Variants in SLC24A3 observed in about 807,000 individuals in gnomAD.
SLC24A3 encodes solute carrier family 24 member 3, also known as sodium/potassium/calcium exchanger 3.
Under a neutral mutation model 75.8 loss-of-function variants are expected in SLC24A3, and 28 were observed. The ratio of observed to expected loss-of-function variants is 0.37; its 90% CI spans 0.27 to 0.51. The LOEUF (loss-of-function observed/expected upper bound fraction) is 0.51. SLC24A3 is among the 20% of genes least tolerant of loss of function. The pLI, the probability that SLC24A3 is intolerant of heterozygous loss-of-function variation, is 0.94. For missense variants in SLC24A3, 663 were observed against 847.8 expected (o/e 0.78, Z 2.71); for synonymous variants, 372 against 334.1 (o/e 1.11, Z -1.24).
intron 2 of SLC24A3, among the ~76,000 whole-genome samples, chr20:19,466,444 T>C (rs1308551093): frequency 6.6e-6 from 1 of 152,176 alleles, no homozygotes; most frequent in Non-Finnish European, 1.5e-5. Context: ...AAGTGGCTCG[T>C]GGGTGTTCCA....
intron 2 of SLC24A3, among the ~76,000 whole-genome samples, chr20:19,371,788 C>A (rs1350931787): frequency 6.6e-6 from 1 of 152,158 alleles, no homozygotes; most frequent in Non-Finnish European, 1.5e-5. Flanking sequence ...TATTCTGCAG[C>A]GTACAGGTCT....
chr20:19,609,394 A>G (rs2031641825), intron 6 of SLC24A3, among the ~76,000 whole-genome samples: 1 of 151,624 alleles, frequency 6.6e-6, no homozygotes, highest in South Asian at 2.1e-4. Context: ...ATTTTTATGT[A>G]TGTATTTATT....
At chr20:19,664,380 T>C (rs965857047) in intron 7 of SLC24A3, among the ~76,000 whole-genome samples, 2 of 152,214 alleles carry the variant, frequency 1.3e-5, no homozygotes, top group African/African-American at 4.8e-5. Context: ...GTCATCCCAA[T>C]GTCAACTTGT....
intron 9 of SLC24A3, among the ~76,000 whole-genome samples, chr20:19,678,341 C>T (rs1200675462): frequency 1.2e-5 from 1 of 80,014 alleles, no homozygotes; most frequent in Non-Finnish European, 2.5e-5. Flanking sequence ...GGGGGGCTGA[C>T]CCCCCCCACC....
At chr20:19,260,575 C>A (rs1025077540) in intron 1 of SLC24A3, among the ~76,000 whole-genome samples, 3 of 152,156 alleles carry the variant, frequency 2.0e-5, no homozygotes, top group Non-Finnish European at 4.4e-5. Context: ...TAAAACTGAA[C>A]TGAAAATGAA....
chr20:19,691,814 C>G (rs916165861), intron 12 of SLC24A3, among the ~76,000 whole-genome samples: 7 of 152,160 alleles, frequency 4.6e-5, no homozygotes, highest in Non-Finnish European at 1.0e-4. Context: ...TTTAATTCTC[C>G]CAGCAACTCT....
At chr20:19,277,603 C>G (rs1308201572) in intron 1 of SLC24A3, among the ~76,000 whole-genome samples, 1 of 152,176 alleles carries the variant, frequency 6.6e-6, no homozygotes, top group Non-Finnish European at 1.5e-5. Flanking sequence ...ACTCTGGTCT[C>G]TGTGTTATTA....
At chr20:19,322,374 C>G (rs1326989603) in intron 2 of SLC24A3, among the ~76,000 whole-genome samples, 1 of 118,604 alleles carries the variant, frequency 8.4e-6, no homozygotes. Context: ...TCCCTTCCTT[C>G]CTTCCTTCCT....
At chr20:19,382,398 GAA>G (rs11477403) in intron 2 of SLC24A3, among the ~76,000 whole-genome samples, 2 of 150,768 alleles carry the variant, frequency 1.3e-5, no homozygotes, top group African/African-American at 4.9e-5. Flanking sequence ...GTGGGAGGAA[GAA>G]AAAAAAATAT....
At chr20:19,545,258 C>T (rs908080005) in intron 3 of SLC24A3, among the ~76,000 whole-genome samples, 1 of 152,180 alleles carries the variant, frequency 6.6e-6, no homozygotes, top group African/African-American at 2.4e-5. Flanking sequence ...GATATGAGTT[C>T]GTGAGCAGTC....
intron 2 of SLC24A3, among the ~76,000 whole-genome samples, chr20:19,302,084 A>G (rs1405234710): frequency 2.0e-5 from 3 of 152,184 alleles, no homozygotes; most frequent in Non-Finnish European, 4.4e-5. Flanking sequence ...AACACCCAGA[A>G]AGGGTAGGAC....
At chr20:19,633,866 A>G (rs183630739) in intron 6 of SLC24A3, among the ~76,000 whole-genome samples, 2 of 152,110 alleles carry the variant, frequency 1.3e-5, no homozygotes, top group Non-Finnish European at 2.9e-5. Context: ...TGTGAGAATT[A>G]CATTAATTAA....
intron 2 of SLC24A3, among the ~76,000 whole-genome samples, chr20:19,391,584 T>C (rs1986367544): frequency 6.6e-6 from 1 of 152,168 alleles, no homozygotes; most frequent in Admixed American, 6.5e-5. Context: ...TCAGAACCTC[T>C]GGGGTGAGGC....
chr20:19,282,606 G>C (rs908733238), intron 2 of SLC24A3, among the ~76,000 whole-genome samples: 17 of 152,240 alleles, frequency 1.1e-4, no homozygotes, highest in African/African-American at 4.1e-4. Flanking sequence ...TAGTCAAATA[G>C]TTTTCAACAT....
At chr20:19,422,608 A>G (rs1312169998) in intron 2 of SLC24A3, among the ~76,000 whole-genome samples, 2 of 152,356 alleles carry the variant, frequency 1.3e-5, no homozygotes, top group African/African-American at 2.4e-5. Context: ...ACTTTAAAAA[A>G]TACTGATGCC....
intron 6 of SLC24A3, among the ~76,000 whole-genome samples, chr20:19,598,319 C>T (rs2031477065): frequency 6.6e-6 from 1 of 152,122 alleles, no homozygotes; most frequent in Admixed American, 6.5e-5. Flanking sequence ...GAGAAAGAAA[C>T]TAATGCCATT....
intron 2 of SLC24A3, among the ~76,000 whole-genome samples, chr20:19,399,960 A>G (rs2122402517): frequency 6.6e-6 from 1 of 152,244 alleles, no homozygotes; most frequent in South Asian, 2.1e-4. Context: ...TGTCCAGCAT[A>G]TTTTTCTCAG....
chr20:19,712,942 G>A (rs1481414565), intron 15 of SLC24A3, among the ~76,000 whole-genome samples: 1 of 152,238 alleles, frequency 6.6e-6, no homozygotes, highest in African/African-American at 2.4e-5. Context: ...TAGAGAAACA[G>A]GGCAGTGCCT....
intron 3 of SLC24A3, among the ~76,000 whole-genome samples, chr20:19,525,611 G>A (rs660526): frequency 0.23 from 34,725 of 151,936 alleles, 4,132 homozygotes; most frequent in East Asian, 0.33. Context: ...CTGCTTGGGG[G>A]TCCCAAACTC....
Sources: allele counts gnomAD v4.1 joint callset (sites outside exome capture counted in the v4.1 genomes callset), GRCh38; gene constraint gnomAD v4.1.1; transcripts MANE v1.5; gene names NCBI Gene and HGNC (gene_info 2026-07-23, HGNC 2026-07-21).